The following MAP3K20 variants were observed in gnomAD, a reference collection of about 807,000 sequenced individuals.
MAP3K20 encodes mitogen-activated protein kinase kinase kinase 20.
Under a neutral mutation model 85.7 loss-of-function variants are expected in MAP3K20, and 40 were observed. The observed-to-expected ratio is 0.47, with a 90% CI of 0.36 to 0.61. MAP3K20 has a LOEUF of 0.61. Ranked by LOEUF, MAP3K20 falls within the 20% of genes least tolerant of loss-of-function variation. The probability of loss-of-function intolerance (pLI) is 0.00; values close to 1 mark genes in which losing one functional copy is unlikely to be tolerated. For missense variants in MAP3K20, 817 were observed against 961.7 expected (o/e 0.85, Z 1.99); for synonymous variants, 325 against 327.7 (o/e 0.99, Z 0.09).
chr2:173,251,640 G>A (rs547683131), intron 16 of MAP3K20, among the ~76,000 whole-genome samples: 50 of 152,292 alleles, frequency 3.3e-4, no homozygotes, highest in African/African-American at 9.9e-4. Context: ...TCCTGGTTAC[G>A]CAGGCAGCTT....
At chr2:173,164,125 A>G (rs573704297) in intron 2 of MAP3K20, among the ~76,000 whole-genome samples, 26 of 151,998 alleles carry the variant, frequency 1.7e-4, no homozygotes, top group Non-Finnish European at 3.5e-4. Context: ...ATGCCCAGCT[A>G]ATTGTTGTAT....
chr2:173,223,463 G>A, intron 11 of MAP3K20: 1 of 985,426 alleles, frequency 1.0e-6, no homozygotes, highest in Non-Finnish European at 1.2e-6. Context: ...AATGGTGCCA[G>A]TGAAGACACT....
At chr2:173,205,532 A>G (rs548440154) in intron 9 of MAP3K20, among the ~76,000 whole-genome samples, 7 of 152,318 alleles carry the variant, frequency 4.6e-5, no homozygotes, top group Admixed American at 1.3e-4. Flanking sequence ...GCAGCCAACA[A>G]GGCAGCAAGG....
At chr2:173,222,166 A>G (rs747394401) in intron 11 of MAP3K20, 27 of 962,194 alleles carry the variant, frequency 2.8e-5, no homozygotes, top group Non-Finnish European at 3.3e-5. Context: ...TGATGGCACC[A>G]CTGCACTCTA....
At chr2:173,149,506 A>T (rs1015887182) in intron 2 of MAP3K20, among the ~76,000 whole-genome samples, 8 of 145,726 alleles carry the variant, frequency 5.5e-5, no homozygotes, top group African/African-American at 1.6e-4. Context: ...AAAAAAGTTT[A>T]TTTTTTTTTA....
At chr2:173,229,767 G>C (rs371512156) in intron 12 of MAP3K20, 34 bp downstream of exon 12, 2 of 1,612,194 alleles carry the variant, frequency 1.2e-6, no homozygotes, top group African/African-American at 2.7e-5. Flanking sequence ...TATTTGACTT[G>C]AGCAGGTATT....
At chr2:173,128,186 T>C (rs1214195148) in intron 2 of MAP3K20, among the ~76,000 whole-genome samples, 1 of 152,208 alleles carries the variant, frequency 6.6e-6, no homozygotes, top group African/African-American at 2.4e-5. Context: ...TCCTCCTCCT[T>C]CATGCCTTCT....
At chr2:173,097,485 T>C (rs1687497749) in intron 2 of MAP3K20, among the ~76,000 whole-genome samples, 1 of 152,206 alleles carries the variant, frequency 6.6e-6, no homozygotes, top group Non-Finnish European at 1.5e-5. Flanking sequence ...CTGGAAGAGA[T>C]GGGAACCTGA....
intron 11 of MAP3K20, chr2:173,223,727 A>T (rs979818873): frequency 2.4e-5 from 24 of 985,356 alleles, no homozygotes; most frequent in Non-Finnish European, 4.8e-6. Context: ...ATTCCCCCAC[A>T]TACCCATGCT....
chr2:173,259,516 A>G (rs189261344), intron 17 of MAP3K20, among the ~76,000 whole-genome samples: 1 of 152,358 alleles, frequency 6.6e-6, no homozygotes, highest in African/African-American at 2.4e-5. Context: ...GATAGTCACC[A>G]TAACCTCACA....
intron 1 of MAP3K20, among the ~76,000 whole-genome samples, chr2:173,080,512 C>A (rs996399668): frequency 3.3e-5 from 5 of 152,140 alleles, no homozygotes; most frequent in African/African-American, 9.7e-5. Flanking sequence ...GAAAGCAAGC[C>A]ATGAAAGACA....
chr2:173,245,530 ACAT>A (rs1338589588), intron 16 of MAP3K20, among the ~76,000 whole-genome samples: 2 of 152,220 alleles, frequency 1.3e-5, no homozygotes, highest in East Asian at 1.9e-4. Context: ...AGCAGGGAAA[ACAT>A]CATGATTAGA....
At chr2:173,136,914 C>T (rs963421392) in intron 2 of MAP3K20, among the ~76,000 whole-genome samples, 1 of 152,232 alleles carries the variant, frequency 6.6e-6, no homozygotes, top group South Asian at 2.1e-4. Context: ...TTGCCAGCTG[C>T]TTAGGTTAGG....
intron 16 of MAP3K20, among the ~76,000 whole-genome samples, chr2:173,242,393 T>C (rs900926206): frequency 6.6e-6 from 1 of 151,946 alleles, no homozygotes; most frequent in Non-Finnish European, 1.5e-5. Flanking sequence ...GGTCTCGAAC[T>C]CCCGACCTCA....
At chr2:173,264,443 C>T (rs561886902) in intron 19 of MAP3K20, among the ~76,000 whole-genome samples, 9 of 152,196 alleles carry the variant, frequency 5.9e-5, no homozygotes, top group South Asian at 2.1e-4. Flanking sequence ...GATATCACAA[C>T]GCCCAGAGGA....
intron 2 of MAP3K20, among the ~76,000 whole-genome samples, chr2:173,115,384 T>C (rs1385738169): frequency 6.6e-6 from 1 of 152,248 alleles, no homozygotes; most frequent in African/African-American, 2.4e-5. Context: ...AGCTATTTAA[T>C]AACTAACGTC....
At chr2:173,246,660 C>A (rs1684921357) in intron 16 of MAP3K20, among the ~76,000 whole-genome samples, 1 of 152,160 alleles carries the variant, frequency 6.6e-6, no homozygotes, top group Non-Finnish European at 1.5e-5. Context: ...GGGGAGTCGT[C>A]CATTCCTTAC....
intron 11 of MAP3K20, chr2:173,221,843 T>C: frequency 1.9e-6 from 2 of 1,031,530 alleles, no homozygotes; most frequent in Non-Finnish European, 2.3e-6. Flanking sequence ...TTTTAATGAA[T>C]ACTTTTTAGT....
chr2:173,137,388 G>A (rs1688826684), intron 2 of MAP3K20, among the ~76,000 whole-genome samples: 1 of 152,036 alleles, frequency 6.6e-6, no homozygotes, highest in Non-Finnish European at 1.5e-5. Context: ...GTGTACAGAA[G>A]AGAATTATAA....
Sources: allele counts gnomAD v4.1 joint callset (sites outside exome capture counted in the v4.1 genomes callset), GRCh38; gene constraint gnomAD v4.1.1; transcripts MANE v1.5; gene names NCBI Gene and HGNC (gene_info 2026-07-23, HGNC 2026-07-21).